The following SLC9C1 variants were observed in gnomAD, a reference collection of about 807,000 sequenced individuals.
SLC9C1 encodes solute carrier family 9 member C1.
In SLC9C1, 97 loss-of-function variants were observed where a neutral mutation model predicts 140.9. The ratio of observed to expected loss-of-function variants is 0.69; its 90% CI spans 0.58 to 0.82. The LOEUF is 0.82. Among genes scored for constraint, SLC9C1 ranks in the 40% least tolerant of loss-of-function variants. The pLI, the probability that SLC9C1 is intolerant of heterozygous loss-of-function variation, is 0.00. For missense variants in SLC9C1, 1,340 were observed against 1,389.3 expected (o/e 0.96, Z 0.56); for synonymous variants, 440 against 442.6 (o/e 0.99, Z 0.07).
At chr3:112,218,142 C>G (rs1418941801) in intron 14 of SLC9C1, among the ~76,000 whole-genome samples, 1 of 149,758 alleles carries the variant, frequency 6.7e-6, no homozygotes, top group Admixed American at 6.7e-5. Context: ...TTTGGTAGCA[C>G]TTGTCCCAAG....
Position 112,243,974 on chromosome 3 carries a change from A to G in SLC9C1, c.1279+21T>C. ...TTAGAATGTTTTTCTCTCCACAGGA[A>G]TAGTAACTGTTAGGGCTTACCTAGT... On this transcript the variant is annotated intron_variant, in intron 11 of 28. Coordinates refer to ENST00000305815, the MANE Select transcript of SLC9C1 (RefSeq NM_183061.3). The G allele has an allele frequency of 2.0e-6, 3 of 1,492,346 alleles. No homozygotes were observed. In the South Asian group the frequency reaches 3.8e-5, roughly 19 times the overall value. The allele number at this position is 1,492,346 out of a possible 1,614,324, so 92.4% of individuals were successfully genotyped here.
intron 12 of SLC9C1, among the ~76,000 whole-genome samples, chr3:112,233,822 A>G (rs1466579625): frequency 6.6e-6 from 1 of 151,958 alleles, no homozygotes; most frequent in East Asian, 1.9e-4. Flanking sequence ...ATCATTTTTT[A>G]TGGCTGCATA....
In SLC9C1 at chr3:112,264,426, T is replaced by C. The variant is rs902710370; in HGVS notation, c.879-83A>G. On this transcript the variant is annotated intron_variant, in intron 8 of 28. Coordinates refer to ENST00000305815, the MANE Select transcript of SLC9C1 (RefSeq NM_183061.3). ...TACAAGGTTTATCTATGTGAATCAT[T>C]GTGCTAATGATTACCAAAAAATGAA... 1.4e-4 allele frequency: 116 copies of C among 808,056 alleles called. No homozygotes were observed. The African/African-American group carries it at 2.0e-3, about 14-fold the overall frequency. 50.1% of individuals were successfully genotyped at this position (808,056 alleles called of 1,614,324 possible).
intron 20 of SLC9C1, among the ~76,000 whole-genome samples, chr3:112,196,582 T>C (rs1021488601): frequency 2.2e-4 from 34 of 152,284 alleles, no homozygotes; most frequent in Non-Finnish European, 4.6e-4. Context: ...TTTATCTTTC[T>C]GTTCCTCAGA....
At chr3:112,258,413 T>C (rs2079673453) in intron 10 of SLC9C1, among the ~76,000 whole-genome samples, 1 of 151,580 alleles carries the variant, frequency 6.6e-6, no homozygotes, top group South Asian at 2.1e-4. Flanking sequence ...TTTTTGTTTG[T>C]TTGTTTGTTT....
intron 15 of SLC9C1, among the ~76,000 whole-genome samples, chr3:112,209,023 G>C (rs1394235635): frequency 6.6e-6 from 1 of 152,046 alleles, no homozygotes; most frequent in East Asian, 1.9e-4. Context: ...TAGAAATGTA[G>C]ATAAAAAGAT....
At chr3:112,217,389 G>A in intron 15 of SLC9C1, 53 bp downstream of exon 15, 1 of 1,498,768 alleles carries the variant, frequency 6.7e-7, no homozygotes, top group Non-Finnish European at 8.9e-7. Flanking sequence ...AGAAAAAACA[G>A]GGAATTTCAA....
rs992912937 is a variant in SLC9C1, at chr3:112,175,955, C to T, written c.2919+3576G>A. On this transcript the variant is annotated intron_variant, in intron 23 of 28. Coordinates refer to ENST00000305815, the MANE Select transcript of SLC9C1 (RefSeq NM_183061.3). ...ATGTGATGTACCACGGTCCTGCAGACCATCATTGGTCAGTCCCCTGGATTC... is the reference window on the plus strand; with the variant it reads ...ATGTGATGTACCACGGTCCTGCAGATCATCATTGGTCAGTCCCCTGGATTC... Among the ~76,000 whole-genome samples the T allele has an allele frequency of 1.4e-4, 21 of 152,136 alleles. 1 individual carries two copies. Among genetic ancestry groups the T allele is most frequent in the Admixed American group, 7.2e-4 (11 of 15,272 alleles).
At chr3:112,213,513 T>A (rs990344919) in intron 15 of SLC9C1, among the ~76,000 whole-genome samples, 2 of 152,030 alleles carry the variant, frequency 1.3e-5, no homozygotes, top group Non-Finnish European at 2.9e-5. Context: ...TGGAGGAAGA[T>A]CTACCAAGCA....
chr3:112,267,519 T>C lies in SLC9C1; in HGVS notation c.776-1179A>G, dbSNP rs906060633. ...AGAACCCGAAAGGTGGAGTTTGCAG[T>C]GAGCAGAGATTGGGCCACTGCACTC... On this transcript the variant is annotated intron_variant, in intron 7 of 28. Coordinates refer to ENST00000305815, the MANE Select transcript of SLC9C1 (RefSeq NM_183061.3). 2.3e-5 allele frequency among the ~76,000 whole-genome samples: 3 copies of C among 128,220 alleles called. No homozygotes were observed. In the East Asian group the frequency reaches 6.9e-4, roughly 30 times the overall value. The allele number at this position is 128,220 out of a possible 152,430, so 84.1% of individuals were successfully genotyped here. A position where few individuals can be genotyped will look rare whatever the true frequency, so the allele number is the denominator to read the frequency against.
At chr3:112,210,807 C>A (rs1027670116) in intron 15 of SLC9C1, among the ~76,000 whole-genome samples, 1 of 152,128 alleles carries the variant, frequency 6.6e-6, no homozygotes. Context: ...TCAGTCTCCT[C>A]TGAGGTGGCT....
At chr3:112,182,573 C>T (rs911856479) in intron 20 of SLC9C1, among the ~76,000 whole-genome samples, 3 of 151,936 alleles carry the variant, frequency 2.0e-5, no homozygotes, top group African/African-American at 7.3e-5. Flanking sequence ...GTAGTTTTCC[C>T]TATGATCATT....
chr3:112,209,118 G>A (rs55682715), intron 15 of SLC9C1, among the ~76,000 whole-genome samples: 3,705 of 152,210 alleles, frequency 0.024, 73 homozygotes, highest in Non-Finnish European at 0.036. Context: ...ATTAATTGCC[G>A]ATTGAAGACT....
intron 28 of SLC9C1, among the ~76,000 whole-genome samples, chr3:112,149,472 G>A (rs191824793): frequency 1.3e-5 from 2 of 151,560 alleles, no homozygotes; most frequent in East Asian, 3.9e-4. Context: ...AGAGAGCCCT[G>A]CTATACCATG....
At chr3:112,239,026 T>A (rs1398255688) in intron 12 of SLC9C1, among the ~76,000 whole-genome samples, 2 of 152,230 alleles carry the variant, frequency 1.3e-5, no homozygotes, top group African/African-American at 4.8e-5. Flanking sequence ...TTCTGCTGCC[T>A]TTTGTTCAGC....
At chr3:112,207,094 A>G (rs1165274245) in intron 16 of SLC9C1, among the ~76,000 whole-genome samples, 1 of 152,214 alleles carries the variant, frequency 6.6e-6, no homozygotes, top group South Asian at 2.1e-4. Context: ...TGAAGCATCT[A>G]TTCGAAGGGA....
At chr3:112,150,630 G>A (rs1164054923) in intron 28 of SLC9C1, among the ~76,000 whole-genome samples, 2 of 151,248 alleles carry the variant, frequency 1.3e-5, no homozygotes, top group Admixed American at 6.6e-5. Context: ...CCTCTAATCC[G>A]CCATTAAATT....
chr3:112,225,440 G>C (rs1342019316), intron 13 of SLC9C1, among the ~76,000 whole-genome samples: 1 of 151,814 alleles, frequency 6.6e-6, no homozygotes, highest in Non-Finnish European at 1.5e-5. Context: ...CCCAATGGTA[G>C]AGCAGATACA....
chr3:112,246,583 C>A (rs2079291131), intron 10 of SLC9C1, among the ~76,000 whole-genome samples: 1 of 151,976 alleles, frequency 6.6e-6, no homozygotes. Context: ...AAGTTCCAGA[C>A]AAAACACCTT....
Sources: gnomAD v4.1 joint callset for allele counts (sites outside exome capture counted in the v4.1 genomes callset) on GRCh38, gnomAD v4.1.1 for gene constraint, MANE v1.5 for transcripts, NCBI Gene and HGNC (gene_info 2026-07-23, HGNC 2026-07-21) for gene names.